The following PCDHA6 variants were observed in gnomAD, a reference collection of about 807,000 sequenced individuals.
PCDHA6 encodes the protein protocadherin alpha 6.
Under a neutral mutation model 60.3 loss-of-function variants are expected in PCDHA6, and 55 were observed. The ratio of observed to expected loss-of-function variants is 0.91; its 90% confidence interval spans 0.73 to 1.14. The LOEUF is 1.14. PCDHA6 is among the 50% of genes most tolerant of loss of function. The pLI is 0.00. For missense variants in PCDHA6, 1,327 were observed against 1,256.5 expected (o/e 1.06, Z -0.85); for synonymous variants, 652 against 557.9 (o/e 1.17, Z -2.38).
chr5:140,907,525 G>A (rs1016477325), intron 1 of PCDHA6, among the ~76,000 whole-genome samples: 3 of 152,196 alleles, frequency 2.0e-5, no homozygotes, highest in African/African-American at 4.8e-5. Flanking sequence ...AGGACAAATC[G>A]CTGCCCTTTC....
chr5:140,835,836 C>T, intron 1 of PCDHA6: 1 of 1,612,388 alleles, frequency 6.2e-7, no homozygotes, highest in Non-Finnish European at 8.5e-7. Context: ...CGCGGACGCG[C>T]AGAAGAACGC....
rs199847007 is a variant in PCDHA6, at chr5:140,883,896, C to A, written c.2394+53411C>A. ...GTGAGCGCGCGCGACTCTGGCGTGC[C>A]GCCTCTGGGCAGCAACGTGACGCTG... On this transcript the variant is annotated intron_variant, in intron 1 of 3. Transcript: ENST00000529310. The A allele has an allele frequency of 3.1e-6, 5 of 1,613,386 alleles. 1 individual carries two copies. In the South Asian group the frequency reaches 4.4e-5, roughly 14 times the overall value.
At chr5:140,853,004 G>T (rs914027451) in intron 1 of PCDHA6, 1 of 289,800 alleles carries the variant, frequency 3.5e-6, no homozygotes, top group Non-Finnish European at 5.4e-6. Flanking sequence ...TCAGCCTCCC[G>T]AGTAGCTGGG....
intron 3 of PCDHA6, among the ~76,000 whole-genome samples, chr5:141,001,642 G>A (rs1399710505): frequency 6.6e-6 from 1 of 152,110 alleles, no homozygotes; most frequent in African/African-American, 2.4e-5. Flanking sequence ...GGGGGTGAAG[G>A]TGTGGGAGAA....
chr5:141,001,749 T>C (rs1554258292), intron 3 of PCDHA6, among the ~76,000 whole-genome samples: 1 of 152,090 alleles, frequency 6.6e-6, no homozygotes, highest in African/African-American at 2.4e-5. Flanking sequence ...GCTGTTTCAG[T>C]GGTTGATGGC....
chr5:140,895,309 C>A (rs1327911944), intron 1 of PCDHA6, among the ~76,000 whole-genome samples: 1 of 152,124 alleles, frequency 6.6e-6, no homozygotes, highest in African/African-American at 2.4e-5. Context: ...CCCCCTTCCA[C>A]CCATGACTAT....
intron 1 of PCDHA6, chr5:140,863,034 A>T (rs782534693): frequency 1.8e-6 from 1 of 557,814 alleles, no homozygotes; most frequent in Non-Finnish European, 3.5e-6. Flanking sequence ...CAACAGCTGC[A>T]TCTGTCAGCT....
At position 140,877,451 on chromosome 5, in the gene PCDHA6, C is replaced by T. The variant is rs782361627; in HGVS notation, c.2394+46966C>T. ...AAGGACCACGGTGAGCCCGCGCTGA[C>T]GTCCACGGCCACGGTGCTGGTGTCG... On this transcript the variant is annotated intron_variant, in intron 1 of 3. Coordinates refer to ENST00000529310, the MANE Select transcript of PCDHA6 (RefSeq NM_018909.4). The T allele has an allele frequency of 3.5e-5, 57 of 1,613,672 alleles. No individual in the cohort carries two copies. The East Asian group carries it at 1.2e-3, about 35-fold the overall frequency.
At chr5:140,933,392 T>C (rs1298872630) in intron 1 of PCDHA6, among the ~76,000 whole-genome samples, 3 of 152,044 alleles carry the variant, frequency 2.0e-5, no homozygotes, top group Non-Finnish European at 2.9e-5. Context: ...CCTAGAGCCA[T>C]CTGGTTACCA....
chr5:140,967,633 T>G, intron 1 of PCDHA6: 2 of 1,614,106 alleles, frequency 1.2e-6, no homozygotes, highest in Non-Finnish European at 1.7e-6. Flanking sequence ...AGGGCTCCAA[T>G]GGTGAGCTCA....
intron 1 of PCDHA6, chr5:140,858,254 A>G (rs1325415176): frequency 6.3e-7 from 1 of 1,596,926 alleles, no homozygotes; most frequent in Non-Finnish European, 8.6e-7. Flanking sequence ...GGTGAAGCCC[A>G]CGCTGGTGTG....
chr5:140,883,580 AC>A, intron 1 of PCDHA6: 1 of 1,613,994 alleles, frequency 6.2e-7, no homozygotes. Flanking sequence ...GCTGTGGGCC[AC>A]GGCCAGCGTG....
intron 1 of PCDHA6, among the ~76,000 whole-genome samples, chr5:140,971,045 T>C (rs2096453995): frequency 6.6e-6 from 1 of 152,090 alleles, no homozygotes; most frequent in East Asian, 1.9e-4. Context: ...CGTAAAAGGG[T>C]TTAGCTTTAA....
intron 3 of PCDHA6, among the ~76,000 whole-genome samples, chr5:140,992,294 G>C (rs2097504138): frequency 1.3e-5 from 2 of 152,190 alleles, no homozygotes; most frequent in African/African-American, 4.8e-5. Context: ...CAAAGGATGG[G>C]AGTATTGTTT....
At chr5:140,848,690 G>A in intron 1 of PCDHA6, 8 of 1,592,462 alleles carry the variant, frequency 5.0e-6, no homozygotes, top group Non-Finnish European at 6.9e-6. Flanking sequence ...GCCTGTTCCA[G>A]TTGGATTCCA....
intron 1 of PCDHA6, chr5:140,884,134 C>A: frequency 6.2e-6 from 10 of 1,613,442 alleles, no homozygotes; most frequent in Non-Finnish European, 7.6e-6. Context: ...GCATCCCGTT[C>A]CGCGTGGGGC....
Position 140,853,581 on chromosome 5 carries a change from C to T in PCDHA6, c.2394+23096C>T, listed in dbSNP as rs765816845. ...GAAAAACTAAGTTGTCACCCAATAT[C>T]TTAGACACTTTGAGAGCAAAGGGGG... On this transcript the variant is annotated intron_variant, in intron 1 of 3. Transcript: ENST00000529310. 6.1e-4 allele frequency: 602 copies of T among 984,310 alleles called. 55 individuals are homozygous for T. Among genetic ancestry groups the T allele is most frequent in the Non-Finnish European group, 6.9e-4 (563 of 816,746 alleles). 61.0% of individuals were successfully genotyped at this position (984,310 alleles called of 1,614,324 possible).
chr5:140,975,207 G>A (rs2096658071), intron 1 of PCDHA6, among the ~76,000 whole-genome samples: 1 of 152,180 alleles, frequency 6.6e-6, no homozygotes. Flanking sequence ...CTTCATGGCT[G>A]GCACTGGAGA....
chr5:140,843,191 G>C lies in PCDHA6; in HGVS notation c.2394+12706G>C, dbSNP rs1201499380. 28 of 1,595,928 alleles carry C rather than the reference G, an allele frequency of 1.8e-5. 6 individuals are homozygous for C. Among genetic ancestry groups the C allele is most frequent in the Middle Eastern group, 1.7e-4 (1 of 6,014 alleles). On this transcript the variant is annotated intron_variant, in intron 1 of 3. Transcript: ENST00000529310. ...AAGCAGCCCTCGCATCCCGTTCCGC[G>C]TGGGGCTGTACACGGGCGAGATCAG...
Sources: gnomAD v4.1 joint callset for allele counts (sites outside exome capture counted in the v4.1 genomes callset) on GRCh38, gnomAD v4.1.1 for gene constraint, MANE v1.5 for transcripts, NCBI Gene and HGNC (gene_info 2026-07-23, HGNC 2026-07-21) for gene names.